The following PCDHGB7 variants were observed in gnomAD, a reference collection of about 807,000 sequenced individuals.
PCDHGB7 encodes protocadherin gamma-B7.
Under a neutral mutation model 61.4 loss-of-function variants are expected in PCDHGB7, and 37 were observed. The observed-to-expected ratio is 0.60, with a 90% CI of 0.46 to 0.79. PCDHGB7 has a LOEUF of 0.79. PCDHGB7 is among the 30% of genes least tolerant of loss of function. The pLI is 0.00. For synonymous variants in PCDHGB7, 464 were observed against 503.5 expected, an observed-to-expected ratio of 0.92 and a Z score of 1.05; for missense variants, 1,166 against 1,202.5, an observed-to-expected ratio of 0.97 and a Z score of 0.45.
At chr5:141,498,826 A>G (rs1186868890) in intron 2 of PCDHGB7, among the ~76,000 whole-genome samples, 1 of 152,006 alleles carries the variant, frequency 6.6e-6, no homozygotes, top group African/African-American at 2.4e-5. Context: ...CCAGCTACTC[A>G]GGAGGCTGAG....
intron 2 of PCDHGB7, among the ~76,000 whole-genome samples, chr5:141,498,397 G>A (rs1019408022): frequency 1.3e-5 from 2 of 152,136 alleles, no homozygotes; most frequent in African/African-American, 4.8e-5. Flanking sequence ...GAATGGCAGG[G>A]AGTTTTCTCT....
chr5:141,476,459 C>T lies in PCDHGB7; in HGVS notation c.2416-18348C>T. On this transcript the variant is annotated intron_variant, in intron 1 of 3. Coordinates refer to ENST00000398594, the MANE Select transcript of PCDHGB7 (RefSeq NM_018927.4). The surrounding 1 kb of genome is among the most constrained non-coding windows in gnomAD (Gnocchi z 7.6). ...AACTCTGGAGTTGGTAGTGGAGAACCCGCTGGAGCTGTTCAGCGTGGAAGT... is the reference window on the plus strand; with the variant it reads ...AACTCTGGAGTTGGTAGTGGAGAACTCGCTGGAGCTGTTCAGCGTGGAAGT... 6.2e-7 allele frequency: 1 copy of T among 1,614,048 alleles called. No individual in the cohort carries two copies. Among genetic ancestry groups the T allele is most frequent in the Non-Finnish European group, 8.5e-7 (1 of 1,180,006 alleles).
intron 1 of PCDHGB7, among the ~76,000 whole-genome samples, chr5:141,446,175 G>A (rs1288608276): frequency 1.3e-5 from 2 of 152,276 alleles, no homozygotes; most frequent in Non-Finnish European, 2.9e-5. Context: ...AGGGCAGGGG[G>A]TGTTTTGTTT....
At chr5:141,468,077 C>T (rs180732917) in intron 1 of PCDHGB7, among the ~76,000 whole-genome samples, 1 of 152,152 alleles carries the variant, frequency 6.6e-6, no homozygotes, top group East Asian at 1.9e-4. Flanking sequence ...GTAATCCCAG[C>T]ACTTTGGGAG....
chr5:141,493,808 C>T lies in PCDHGB7; in HGVS notation c.2416-999C>T, dbSNP rs2099750260. On this transcript the variant is annotated intron_variant, in intron 1 of 3. Transcript: ENST00000398594. The surrounding 1 kb of genome is among the most constrained non-coding windows in gnomAD (Gnocchi z 4.3). ...CTTCTCCCTGGAGTAATCTGAGATA[C>T]TCACACTCTCTGCTTCTGGGAGCAA... is the stretch of plus-strand genomic sequence containing the variant. 6.6e-6 allele frequency among the ~76,000 whole-genome samples: 1 copy of T among 152,200 alleles called. No individual in the cohort carries two copies. The highest frequency in any genetic ancestry group is 1.5e-5 in the Non-Finnish European group (1 of 68,042).
At chr5:141,468,755 A>G (rs918829539) in intron 1 of PCDHGB7, among the ~76,000 whole-genome samples, 3 of 151,976 alleles carry the variant, frequency 2.0e-5, no homozygotes, top group African/African-American at 7.2e-5. Flanking sequence ...AGTCCCAGCT[A>G]CTCGGGAGGC....
intron 1 of PCDHGB7, chr5:141,423,660 G>T (rs765304048): frequency 1.3e-6 from 2 of 1,560,582 alleles, no homozygotes; most frequent in Non-Finnish European, 8.6e-7. Context: ...CAAGTAATCA[G>T]GTGAGATTTA....
At chr5:141,498,318 G>T (rs927950671) in intron 2 of PCDHGB7, among the ~76,000 whole-genome samples, 2 of 151,792 alleles carry the variant, frequency 1.3e-5, no homozygotes, top group African/African-American at 4.8e-5. Flanking sequence ...TGCCTACACA[G>T]AAGGAAGAGC....
In PCDHGB7 at chr5:141,451,935, A is replaced by G. The variant is rs148815534; in HGVS notation, c.2415+31661A>G. Among the ~76,000 whole-genome samples, 120 of 152,282 alleles carry G rather than the reference A, an allele frequency of 7.9e-4. 5 individuals carry two copies. The East Asian group carries it at 0.017, about 21-fold the overall frequency. ...GAGGAAGGAAGGGAGGTAGGGAGGC[A>G]GGGAAAGACCGAGAAAGTGACATAC... On this transcript the variant is annotated intron_variant, in intron 1 of 3. Coordinates refer to ENST00000398594, the MANE Select transcript of PCDHGB7 (RefSeq NM_018927.4).
At position 141,476,294 on chromosome 5, in the gene PCDHGB7, A is replaced by T. The variant is rs376905832; in HGVS notation, c.2416-18513A>T. On this transcript the variant is annotated intron_variant, in intron 1 of 3. Coordinates refer to ENST00000398594, the MANE Select transcript of PCDHGB7 (RefSeq NM_018927.4). The surrounding 1 kb of genome is among the most constrained non-coding windows in gnomAD (Gnocchi z 7.6). ...CGCGAACCTTGGTTTGGATCTCGGT[A>T]GCCTCTCAGCCCGCAGGTTCCGGGT... is the stretch of plus-strand genomic sequence containing the variant. 2 of 1,613,036 alleles carry T rather than the reference A, an allele frequency of 1.2e-6. No homozygotes were observed. The highest frequency in any genetic ancestry group is 1.7e-6 in the Non-Finnish European group (2 of 1,179,642).
intron 1 of PCDHGB7, chr5:141,428,330 T>C: frequency 1.6e-6 from 1 of 628,558 alleles, no homozygotes; most frequent in Non-Finnish European, 2.9e-6. Flanking sequence ...TTGATTTCTA[T>C]GCTCTTCTTC....
At chr5:141,499,019 AGGAAGGAAGAAAAG>A (rs2099788655) in intron 2 of PCDHGB7, among the ~76,000 whole-genome samples, 1 of 150,840 alleles carries the variant, frequency 6.6e-6, no homozygotes, top group Non-Finnish European at 1.5e-5. Flanking sequence ...GAAGGAAGGA[AGGAAGGAAGAAAAG>A]AAAGAAAAAG....
chr5:141,417,709 C>T lies in PCDHGB7; in HGVS notation c.-151C>T, dbSNP rs533902963. 1.5e-5 allele frequency: 18 copies of T among 1,238,872 alleles called. No individual in the cohort carries two copies. The East Asian group carries it at 1.8e-4, about 12-fold the overall frequency. 76.7% of individuals were successfully genotyped at this position (1,238,872 alleles called of 1,614,324 possible). ...AAGAAAACCAGCTCCCACACAGAGG[C>T]TCCCGGCTGCGCAGACCTTGCCCAG... On this transcript the variant is annotated 5_prime_UTR_variant, in exon 1 of 4. Coordinates refer to ENST00000398594, the MANE Select transcript of PCDHGB7 (RefSeq NM_018927.4).
rs1338955892 is a variant in PCDHGB7, at chr5:141,502,521, T to C, written c.2475-2872T>C. 5.9e-5 allele frequency among the ~76,000 whole-genome samples: 9 copies of C among 152,338 alleles called. No homozygotes were observed. In the East Asian group the frequency reaches 1.7e-3, roughly 29 times the overall value. The stretch of plus-strand genomic sequence containing the variant: ...CGTCGGCCTGTCCCACTATCAGTGA[T>C]GCCGAGTTTGTTCGTGTGGTAAAAA... On this transcript the variant is annotated intron_variant, in intron 2 of 3. Transcript: ENST00000398594.
chr5:141,442,702 T>G (rs1301940560), intron 1 of PCDHGB7, among the ~76,000 whole-genome samples: 6 of 152,224 alleles, frequency 3.9e-5, no homozygotes, highest in Non-Finnish European at 8.8e-5. Context: ...GACAAGAGTA[T>G]CAGACATGCC....
At chr5:141,459,938 C>T (rs373341229) in intron 1 of PCDHGB7, among the ~76,000 whole-genome samples, 4 of 152,148 alleles carry the variant, frequency 2.6e-5, no homozygotes, top group African/African-American at 4.8e-5. Context: ...TGTAGCTGGG[C>T]GTGATGGCAG....
intron 1 of PCDHGB7, chr5:141,442,111 C>A: frequency 6.0e-6 from 1 of 166,354 alleles, no homozygotes; most frequent in Non-Finnish European, 1.3e-5. Context: ...CACTACCGCC[C>A]CTCGTCGCCG....
chr5:141,440,960 A>C (rs1467379261), intron 1 of PCDHGB7: 2 of 152,248 alleles, frequency 1.3e-5, no homozygotes, highest in Non-Finnish European at 2.9e-5. Flanking sequence ...CAAGGCAGAG[A>C]TCACATATGG....
intron 1 of PCDHGB7, chr5:141,441,662 C>T: frequency 3.8e-6 from 1 of 260,740 alleles, no homozygotes; most frequent in Non-Finnish European, 7.7e-6. Flanking sequence ...TGTCCTTGAG[C>T]GCACAGTGCG....
Sources: gnomAD v4.1 joint callset for allele counts (sites outside exome capture counted in the v4.1 genomes callset) on GRCh38, gnomAD v4.1.1 for gene constraint, Gnocchi (gnomAD v3.1) non-coding constraint, MANE v1.5 for transcripts, NCBI Gene and HGNC (gene_info 2026-07-23, HGNC 2026-07-21) for gene names.